The following RORA variants were observed in gnomAD, a reference collection of about 807,000 sequenced individuals.
RORA encodes nuclear receptor ROR-alpha.
Under a neutral mutation model 69.5 loss-of-function variants are expected in RORA, and 7 were observed. That is an observed-to-expected ratio of 0.10 (90% confidence interval 0.06 to 0.19). RORA has a LOEUF of 0.19. Among genes scored for constraint, RORA ranks in the 10% least tolerant of loss-of-function variants. The pLI is 1.00. For missense variants in RORA, 457 were observed against 663.0 expected (o/e 0.69, Z 3.41); for synonymous variants, 261 against 240.8 (o/e 1.08, Z -0.78).
chr15:61,130,732 T>C (rs7162255), intron 1 of RORA, among the ~76,000 whole-genome samples: 83,703 of 151,542 alleles, frequency 0.55, 24,632 homozygotes, highest in Non-Finnish European at 0.68. Context: ...TGGTACATGG[T>C]AGTTGTTGGT....
intron 1 of RORA, 74 bp from the exon 2 acceptor site, chr15:60,678,760 G>C: frequency 1.5e-6 from 2 of 1,300,858 alleles, no homozygotes; most frequent in South Asian, 1.2e-5. Flanking sequence ...GTCATTCCCA[G>C]TGTGCTCAGG....
intron 1 of RORA, among the ~76,000 whole-genome samples, chr15:60,685,059 G>A (rs2070720672): frequency 6.6e-6 from 1 of 152,160 alleles, no homozygotes; most frequent in Non-Finnish European, 1.5e-5. Flanking sequence ...ACTAAAGTAT[G>A]TTTCTTATTG....
chr15:60,725,026 T>C (rs1257090335), intron 1 of RORA, among the ~76,000 whole-genome samples: 1 of 152,232 alleles, frequency 6.6e-6, no homozygotes, highest in African/African-American at 2.4e-5. Flanking sequence ...TGGTAAAGCA[T>C]ATGCATTCAG....
intron 1 of RORA, among the ~76,000 whole-genome samples, chr15:60,979,268 CTTTTTTTTT>C (rs767729204): frequency 2.2e-4 from 14 of 64,276 alleles, no homozygotes; most frequent in African/African-American, 6.5e-4. Flanking sequence ...CTAGCCCTTG[CTTTTTTTTT>C]TTTTTTTTTT....
At chr15:60,951,694 A>C (rs57599433) in intron 1 of RORA, among the ~76,000 whole-genome samples, 59,664 of 151,924 alleles carry the variant, frequency 0.39, 13,682 homozygotes, top group Non-Finnish European at 0.51. Flanking sequence ...ATCTAGAAGA[A>C]ATGGATAAAT....
Position 60,724,877 on chromosome 15 carries a change from C to T in RORA, c.167-46191G>A, listed in dbSNP as rs116673388. Among the ~76,000 whole-genome samples, 246 of 152,306 alleles carry T rather than the reference C, an allele frequency of 1.6e-3. 1 individual carries two copies. Among genetic ancestry groups the T allele is most frequent in the African/African-American group, 5.8e-3 (239 of 41,562 alleles). ...TTCTGGCCACCCTCCCAGAGAGGTG[C>T]TCCCAGGTCCTGGCTCCCTCCTCCC... On this transcript the variant is annotated intron_variant, in intron 1 of 10. Transcript: ENST00000335670.
At chr15:60,996,584 G>C (rs10519095) in intron 1 of RORA, among the ~76,000 whole-genome samples, 17,820 of 152,094 alleles carry the variant, frequency 0.12, 1,127 homozygotes, top group South Asian at 0.17. Flanking sequence ...TACATACATT[G>C]TGTCATATCA....
intron 1 of RORA, among the ~76,000 whole-genome samples, chr15:60,871,356 A>G (rs2073553348): frequency 6.6e-6 from 1 of 152,222 alleles, no homozygotes; most frequent in Admixed American, 6.5e-5. Flanking sequence ...CTTAAGGTAC[A>G]CCAAATAATG....
chr15:60,700,508 G>A (rs998871739), intron 1 of RORA, among the ~76,000 whole-genome samples: 5 of 152,166 alleles, frequency 3.3e-5, no homozygotes, highest in Non-Finnish European at 2.9e-5. Flanking sequence ...ATATGGGGAT[G>A]AGTATAATTT....
chr15:60,989,783 C>A (rs753796792), intron 1 of RORA, among the ~76,000 whole-genome samples: 2 of 152,094 alleles, frequency 1.3e-5, no homozygotes, highest in African/African-American at 2.4e-5. Flanking sequence ...GCTAAAAATT[C>A]AGTGAATAAC....
At chr15:60,932,833 G>C (rs1482048) in intron 1 of RORA, among the ~76,000 whole-genome samples, 37,761 of 152,028 alleles carry the variant, frequency 0.25, 5,273 homozygotes, top group East Asian at 0.55. Flanking sequence ...TCTGCAAAGG[G>C]ATGAATGCTC....
At chr15:60,716,492 G>A (rs2071220591) in intron 1 of RORA, among the ~76,000 whole-genome samples, 1 of 152,170 alleles carries the variant, frequency 6.6e-6, no homozygotes, top group Non-Finnish European at 1.5e-5. Flanking sequence ...AGCCACATCT[G>A]TAATATGGAG....
chr15:60,894,942 C>G (rs1891191552), intron 1 of RORA, among the ~76,000 whole-genome samples: 1 of 152,188 alleles, frequency 6.6e-6, no homozygotes. Context: ...CAAGCAGTGC[C>G]TTAAACAGGG....
intron 1 of RORA, among the ~76,000 whole-genome samples, chr15:60,933,338 C>T (rs1380150250): frequency 2.6e-5 from 4 of 152,228 alleles, no homozygotes; most frequent in Non-Finnish European, 5.9e-5. Context: ...ACCACTCACT[C>T]TCCCTAAATG....
At chr15:60,903,559 C>T (rs774113011) in intron 1 of RORA, among the ~76,000 whole-genome samples, 51 of 152,330 alleles carry the variant, frequency 3.3e-4, no homozygotes, top group Non-Finnish European at 6.3e-4. Flanking sequence ...ATGTTCAAGG[C>T]TCTGCTTTAT....
chr15:60,636,539 T>C (rs957157111), intron 2 of RORA, among the ~76,000 whole-genome samples: 3 of 152,226 alleles, frequency 2.0e-5, no homozygotes, highest in Non-Finnish European at 4.4e-5. Context: ...AAGTATCTGA[T>C]TATCCCTACT....
At position 60,505,517 on chromosome 15, in the gene RORA, A is replaced by T; in HGVS notation, c.933T>A (p.Tyr311Ter). 1 of 1,613,940 alleles carries T rather than the reference A, an allele frequency of 6.2e-7. No individual in the cohort carries two copies. Among genetic ancestry groups the T allele is most frequent in the Non-Finnish European group, 8.5e-7 (1 of 1,179,866 alleles). ...ATTCCTCAGATCATACCTTGTTTTG[A>T]TAGTTCTCAATTTCTTCCTGTAAAA... is the stretch of plus-strand genomic sequence containing the variant. ...QTFLQEEIEN[Y>*]QNKQREVMWQ... Residue 311 changes from tyrosine to a stop codon, truncating the protein, a stop_gained, in exon 6 of 11, where the codon TAT (tyrosine) becomes TAA (stop). Coordinates refer to ENST00000335670, the MANE Select transcript of RORA (RefSeq NM_134261.3). LOFTEE classifies it high-confidence loss of function.
At chr15:60,959,906 C>T (rs968247155) in intron 1 of RORA, among the ~76,000 whole-genome samples, 1 of 152,040 alleles carries the variant, frequency 6.6e-6, no homozygotes, top group African/African-American at 2.4e-5. Context: ...GCACTTGTGG[C>T]CTCCTTCTCA....
At chr15:60,923,707 C>A (rs1437640638) in intron 1 of RORA, among the ~76,000 whole-genome samples, 7 of 152,246 alleles carry the variant, frequency 4.6e-5, no homozygotes, top group African/African-American at 1.7e-4. Flanking sequence ...GAACGCTCCA[C>A]AGCAACAAAA....
Sources: allele counts gnomAD v4.1 joint callset (sites outside exome capture counted in the v4.1 genomes callset), GRCh38; gene constraint gnomAD v4.1.1; transcripts MANE v1.5; gene names NCBI Gene and HGNC (gene_info 2026-07-23, HGNC 2026-07-21).